The following KCNK12 variants were observed in gnomAD, a reference collection of about 807,000 sequenced individuals.
The protein encoded by KCNK12 is potassium channel subfamily K member 12.
A neutral mutation model predicts 25.3 loss-of-function variants in KCNK12; 6 were observed. The observed-to-expected ratio is 0.24, with a 90% CI of 0.13 to 0.47. The LOEUF (loss-of-function observed/expected upper bound fraction) is 0.47, where lower values mean the gene tolerates loss of function less well. Among genes scored for constraint, KCNK12 ranks in the 20% least tolerant of loss-of-function variants. The probability of loss-of-function intolerance (pLI) is 0.99; values close to 1 mark genes in which losing one functional copy is unlikely to be tolerated. For synonymous variants in KCNK12, 331 were observed against 311.1 expected, an observed-to-expected ratio of 1.06 and a Z score of -0.67; for missense variants, 444 against 661.7, an observed-to-expected ratio of 0.67 and a Z score of 3.61.
chr2:47,553,986 T>TA (rs1489717635), intron 1 of KCNK12, among the ~76,000 whole-genome samples: 1 of 152,182 alleles, frequency 6.6e-6, no homozygotes, highest in Non-Finnish European at 1.5e-5. Context: ...TATCTATTAA[T>TA]AAAAATATAA....
In KCNK12 at chr2:47,512,727, T is replaced by G. The variant is rs1201585168; in HGVS notation, c.*8180A>C. On this transcript the variant is annotated 3_prime_UTR_variant, in exon 2 of 2. Coordinates refer to ENST00000327876, the MANE Select transcript of KCNK12 (RefSeq NM_022055.2). ...ACATTTCCCAGAACTCCTTGTTGGA[T>G]TCCTTCCAAACAGGTTTACCACTGG... 3.8e-5 allele frequency: 11 copies of G among 288,218 alleles called. No individual in the cohort carries two copies. The highest frequency in any genetic ancestry group is 1.0e-3 in the Middle Eastern group (1 of 988). The allele number at this position is 288,218 out of a possible 1,614,324, so 17.9% of individuals were successfully genotyped here.
Position 47,521,659 on chromosome 2 carries a change from C to T in KCNK12, c.541G>A (p.Glu181Lys), listed in dbSNP as rs765738423. ...LLAFIMRACR[E>K]RQLRRSGLLP... is the part of the protein sequence containing the mutation. ...AGGCCGCTGCGGCGCAGCTGGCGCT[C>T]CCGGCAGGCGCGCATGATGAAGGCC... Residue 181 changes from glutamate to lysine, a missense_variant, in exon 2 of 2, where the codon GAG becomes AAG. By Grantham distance (56) the Glu-to-Lys change is moderately conservative. This residue lies in a region of KCNK12 where 44 missense variants were observed against 100.7 expected (regional missense o/e 0.44). Coordinates refer to ENST00000327876, the MANE Select transcript of KCNK12 (RefSeq NM_022055.2). 3.1e-6 allele frequency: 5 copies of T among 1,594,486 alleles called. No individual in the cohort carries two copies. The highest frequency in any genetic ancestry group is 2.3e-5 in the East Asian group (1 of 44,386).
In KCNK12 at chr2:47,563,074, A is replaced by T. The variant is rs1332915576; in HGVS notation, c.391+6867T>A. On this transcript the variant is annotated intron_variant, in intron 1 of 1. Coordinates refer to ENST00000327876, the MANE Select transcript of KCNK12 (RefSeq NM_022055.2). Reference sequence around the variant, plus strand: ...TTCCAAGATCCTCTGAATCTGAGGCAGCCAAACAAGGCATGGGAGTGCTGC... The same window carrying T: ...TTCCAAGATCCTCTGAATCTGAGGCTGCCAAACAAGGCATGGGAGTGCTGC... The T allele has an allele frequency of 2.6e-5, 6 of 233,274 alleles. No individual in the cohort carries two copies. The East Asian group carries it at 3.6e-4, about 14-fold the overall frequency. 14.5% of individuals were successfully genotyped at this position (233,274 alleles called of 1,614,324 possible).
intron 1 of KCNK12, among the ~76,000 whole-genome samples, chr2:47,567,640 C>T (rs1040915601): frequency 6.6e-6 from 1 of 152,240 alleles, no homozygotes; most frequent in Non-Finnish European, 1.5e-5. Flanking sequence ...ACTTTTGTGG[C>T]TGTCTTGGCA....
intron 1 of KCNK12, among the ~76,000 whole-genome samples, chr2:47,541,136 C>T (rs1274394609): frequency 2.0e-5 from 3 of 152,164 alleles, no homozygotes; most frequent in Admixed American, 6.5e-5. Context: ...AGAGCTGCGC[C>T]CCAGTACCTG....
rs1329769672 is a variant in KCNK12, at chr2:47,509,775, G to T, written c.*11132C>A. Among the ~76,000 whole-genome samples, 1 of 152,098 alleles carries T rather than the reference G, an allele frequency of 6.6e-6. No individual in the cohort carries two copies. The highest frequency in any genetic ancestry group is 1.5e-5 in the Non-Finnish European group (1 of 68,026). On this transcript the variant is annotated 3_prime_UTR_variant, in exon 2 of 2. Coordinates refer to ENST00000327876, the MANE Select transcript of KCNK12 (RefSeq NM_022055.2). ...CCGCCAGGCCTAATTTATAAACCAA[G>T]ACAAGAAAGGGCTACTCCACCCCCT...
chr2:47,560,973 G>C lies in KCNK12; in HGVS notation c.391+8968C>G, dbSNP rs1003058822. 1.3e-5 allele frequency among the ~76,000 whole-genome samples: 2 copies of C among 152,154 alleles called. No individual in the cohort carries two copies. The highest frequency in any genetic ancestry group is 4.8e-5 in the African/African-American group (2 of 41,426). On this transcript the variant is annotated intron_variant, in intron 1 of 1. Transcript: ENST00000327876. The surrounding 1 kb of genome is among the most constrained non-coding windows in gnomAD (Gnocchi z 4.7). ...CCCACCAGGGAGTCATGGTAGCCCTGGGGTGCAGGGAGCAGCAGCCTGGCA... is the reference window on the plus strand; with the variant it reads ...CCCACCAGGGAGTCATGGTAGCCCTCGGGTGCAGGGAGCAGCAGCCTGGCA...
chr2:47,514,080 A>G lies in KCNK12; in HGVS notation c.*6827T>C, dbSNP rs1238756190. 2.0e-5 allele frequency among the ~76,000 whole-genome samples: 3 copies of G among 152,126 alleles called. No individual in the cohort carries two copies. Among genetic ancestry groups the G allele is most frequent in the African/African-American group, 7.2e-5 (3 of 41,422 alleles). ...CCCCTCATTACCTCCCTTGCTCTGCATGCTCCAGTCCTGCAGAACTACACA... is the reference window on the plus strand; with the variant it reads ...CCCCTCATTACCTCCCTTGCTCTGCGTGCTCCAGTCCTGCAGAACTACACA... On this transcript the variant is annotated 3_prime_UTR_variant, in exon 2 of 2. Coordinates refer to ENST00000327876, the MANE Select transcript of KCNK12 (RefSeq NM_022055.2). The surrounding 1 kb of genome is among the most constrained non-coding windows in gnomAD (Gnocchi z 5.0).
intron 1 of KCNK12, among the ~76,000 whole-genome samples, chr2:47,524,066 C>T (rs1668717939): frequency 6.6e-6 from 1 of 152,086 alleles, no homozygotes; most frequent in Admixed American, 6.5e-5. Flanking sequence ...CGCTTAATGA[C>T]TCAGGTGAGG....
At chr2:47,530,037 T>C (rs1668883924) in intron 1 of KCNK12, among the ~76,000 whole-genome samples, 2 of 152,112 alleles carry the variant, frequency 1.3e-5, no homozygotes, top group African/African-American at 4.8e-5. Flanking sequence ...CTCCCAATAT[T>C]CCCATCTCAT....
At chr2:47,521,846 C>G in intron 1 of KCNK12, 38 bp from the exon 2 acceptor site, 2 of 1,264,890 alleles carry the variant, frequency 1.6e-6, no homozygotes, top group Non-Finnish European at 1.0e-6. Flanking sequence ...GTCCTGGCCG[C>G]GCAGGTGGTC....
intron 1 of KCNK12, among the ~76,000 whole-genome samples, chr2:47,523,021 C>A (rs1668693783): frequency 6.6e-6 from 1 of 152,226 alleles, no homozygotes. Flanking sequence ...AAGTCAACTG[C>A]AGCTCCTCTT....
intron 1 of KCNK12, among the ~76,000 whole-genome samples, chr2:47,539,843 A>G (rs1669158574): frequency 6.6e-6 from 1 of 151,450 alleles, no homozygotes; most frequent in Non-Finnish European, 1.5e-5. Context: ...GCTCAGGACC[A>G]TCCACAGCTG....
rs1472158052 is a variant in KCNK12 at position 47,511,808 on chromosome 2, G to A, written c.*9099C>T. 6.6e-6 allele frequency among the ~76,000 whole-genome samples: 1 copy of A among 152,188 alleles called. No homozygotes were observed. The highest frequency in any genetic ancestry group is 2.4e-5 in the African/African-American group (1 of 41,442). ...CCTGCGTTGTAGACTTTTCTGCAGT[G>A]ACAGAAATGTTCTATATCTGTGCTA... On this transcript the variant is annotated 3_prime_UTR_variant, in exon 2 of 2. Transcript: ENST00000327876. This position sits in a 1 kb window ranked among gnomAD's most constrained non-coding sequence, Gnocchi z 4.3.
At position 47,533,227 on chromosome 2, in the gene KCNK12, T is replaced by TCAA. The variant is rs1558552407; in HGVS notation, c.392-11420_392-11419insTTG. On this transcript the variant is annotated intron_variant, in intron 1 of 1. Transcript: ENST00000327876. This position sits in a 1 kb window ranked among gnomAD's most constrained non-coding sequence, Gnocchi z 4.7. ...GGTTTTACCATGTTGGCCAGGCTGG[T>TCAA]CTCCAACTCCTGACCTCAGGTGATC... Among the ~76,000 whole-genome samples, 4 of 151,778 alleles carry TCAA rather than the reference T, an allele frequency of 2.6e-5. No homozygotes were observed. The highest frequency in any genetic ancestry group is 2.0e-4 in the Admixed American group (3 of 15,272).
rs868134578 is a variant in KCNK12 at position 47,538,371 on chromosome 2, C to T, written c.392-16563G>A. ...AAGTGGGGTGGGTCCAGGGAGGCCT[C>T]GTTAAGGAACGGATGTTTGATAAAG... On this transcript the variant is annotated intron_variant, in intron 1 of 1. Transcript: ENST00000327876. This position sits in a 1 kb window ranked among gnomAD's most constrained non-coding sequence, Gnocchi z 4.5. Among the ~76,000 whole-genome samples the T allele has an allele frequency of 3.3e-5, 5 of 152,020 alleles. No individual in the cohort carries two copies. The highest frequency in any genetic ancestry group is 6.5e-5 in the Admixed American group (1 of 15,272).
chr2:47,533,229 T>TGCCTGG lies in KCNK12; in HGVS notation c.392-11422_392-11421insCCAGGC, dbSNP rs58661719. Among the ~76,000 whole-genome samples the TGCCTGG allele has an allele frequency of 0.46, 69,947 of 151,738 alleles. 17,114 individuals carry two copies. The highest frequency in any genetic ancestry group is 0.7 in the East Asian group (3,596 of 5,110). ...TTTTACCATGTTGGCCAGGCTGGTC[T>TGCCTGG]CCAACTCCTGACCTCAGGTGATCTG... On this transcript the variant is annotated intron_variant, in intron 1 of 1. Coordinates refer to ENST00000327876, the MANE Select transcript of KCNK12 (RefSeq NM_022055.2). The surrounding 1 kb of genome is among the most constrained non-coding windows in gnomAD (Gnocchi z 4.7).
rs2104685132 is a variant in KCNK12 at position 47,515,369 on chromosome 2, A to C, written c.*5538T>G. On this transcript the variant is annotated 3_prime_UTR_variant, in exon 2 of 2. Transcript: ENST00000327876. ...CTAGCGTTCCCTTATTGGAACACTA[A>C]GTCTGTGAGAGTTATTTACATCCTA... Among the ~76,000 whole-genome samples the C allele has an allele frequency of 6.6e-6, 1 of 152,350 alleles. No individual in the cohort carries two copies. The highest frequency in any genetic ancestry group is 1.9e-4 in the East Asian group (1 of 5,184).
rs951235524 is a variant in KCNK12, at chr2:47,560,533, A to G, written c.391+9408T>C. The stretch of plus-strand genomic sequence containing the variant: ...TCTTCCCCCTCTGTGGAACTGCACA[A>G]TTCAGAGACAGCAGAGATCTTGAGC... On this transcript the variant is annotated intron_variant, in intron 1 of 1. Transcript: ENST00000327876. The surrounding 1 kb of genome is among the most constrained non-coding windows in gnomAD (Gnocchi z 4.7). Among the ~76,000 whole-genome samples, 7 of 152,292 alleles carry G rather than the reference A, an allele frequency of 4.6e-5. No homozygotes were observed. In the East Asian group the frequency reaches 1.4e-3, roughly 29 times the overall value.
Sources: allele counts gnomAD v4.1 joint callset (sites outside exome capture counted in the v4.1 genomes callset), GRCh38; gene constraint gnomAD v4.1.1; regional missense constraint gnomAD v4.1.1; non-coding constraint Gnocchi (gnomAD v3.1); transcripts MANE v1.5; gene names NCBI Gene and HGNC (gene_info 2026-07-23, HGNC 2026-07-21).